UBE4A: variants seen among roughly 807,000 people sequenced by gnomAD.
The protein encoded by UBE4A is ubiquitin conjugation factor E4 A.
Under a neutral mutation model 117.9 loss-of-function variants are expected in UBE4A, and 48 were observed. That is an observed-to-expected ratio of 0.41 (90% CI 0.32 to 0.52). The LOEUF (loss-of-function observed/expected upper bound fraction) is 0.52, where lower values mean the gene tolerates loss of function less well. Among genes scored for constraint, UBE4A ranks in the 20% least tolerant of loss-of-function variants. UBE4A has a pLI of 0.33. For synonymous variants in UBE4A, 407 were observed against 450.0 expected, an observed-to-expected ratio of 0.90 and a Z score of 1.21; for missense variants, 1,067 against 1,296.3, an observed-to-expected ratio of 0.82 and a Z score of 2.72.
At position 118,379,436 on chromosome 11, in the gene UBE4A, T is replaced by G; in HGVS notation, c.1572-10T>G. The G allele has an allele frequency of 3.7e-6, 6 of 1,609,584 alleles. No individual in the cohort carries two copies. The Admixed American group carries it at 8.3e-5, about 22-fold the overall frequency. ...CCCTGACCCAGTCTCTTCTGCTTTC[T>G]TGGGGGCAGGTTGCATGATCAGATG... On this transcript the variant is annotated splice_polypyrimidine_tract_variant and intron_variant, in intron 10 of 19. Coordinates refer to ENST00000252108, the MANE Select transcript of UBE4A (RefSeq NM_001204077.2).
rs889746774 is a variant in UBE4A at position 118,379,691 on chromosome 11, A to G, written c.1817A>G (p.Gln606Arg). 1.9e-6 allele frequency: 3 copies of G among 1,614,042 alleles called. No homozygotes were observed. In the African/African-American group the frequency reaches 4.0e-5, roughly 22 times the overall value. Residue 606 changes from glutamine (Q) to arginine (R), a missense_variant, in exon 11 of 20, where the codon CAG (glutamine) becomes CGG (arginine). This residue lies in a region of UBE4A where 1,001 missense variants were observed against 1,184.0 expected (regional missense o/e 0.85). Transcript: ENST00000252108. ...VQLAIGNEGS[Q>R]PIELTFPLPD... ...CTGGCCATAGGCAATGAGGGCTCAC[A>G]GCCAATAGAGCTAACCTTTCCTTTG...
At chr11:118,386,347 G>A in intron 15 of UBE4A, 91 bp from the exon 16 acceptor site, 1 of 1,426,530 alleles carries the variant, frequency 7.0e-7, no homozygotes, top group Admixed American at 2.6e-5. Flanking sequence ...TCCCAGCTTA[G>A]TTGACTGGAT....
At chr11:118,367,958 G>C (rs1462372917) in intron 2 of UBE4A, among the ~76,000 whole-genome samples, 1 of 152,062 alleles carries the variant, frequency 6.6e-6, no homozygotes, top group Non-Finnish European at 1.5e-5. Context: ...CAACCCTATT[G>C]TTCATCAGTT....
chr11:118,391,348 G>A (rs904659355), intron 18 of UBE4A, among the ~76,000 whole-genome samples: 2 of 152,094 alleles, frequency 1.3e-5, no homozygotes, highest in Non-Finnish European at 2.9e-5. Flanking sequence ...AATTAGCTGG[G>A]TGTGGTGGCA....
At chr11:118,367,278 TAAG>T (rs1277465653) in intron 2 of UBE4A, among the ~76,000 whole-genome samples, 1 of 148,574 alleles carries the variant, frequency 6.7e-6, no homozygotes, top group South Asian at 2.1e-4. Context: ...ATTTCATCAA[TAAG>T]AAAAAAATAA....
chr11:118,380,261 AG>A lies in UBE4A; in HGVS notation c.1876+512del, dbSNP rs574561531. 2.2e-3 allele frequency among the ~76,000 whole-genome samples: 328 copies of A among 151,826 alleles called. 2 individuals carry two copies. Among genetic ancestry groups the A allele is most frequent in the African/African-American group, 7.3e-3 (302 of 41,382 alleles). On this transcript the variant is annotated intron_variant, in intron 11 of 19. Coordinates refer to ENST00000252108, the MANE Select transcript of UBE4A (RefSeq NM_001204077.2). The stretch of plus-strand genomic sequence containing the variant: ...CCATTGTATTGGCCATATCATGCTG[AG>A]TAACAGATTACCCCAAAACATAGCA...
At chr11:118,379,148 G>A (rs1259957868) in intron 10 of UBE4A, among the ~76,000 whole-genome samples, 2 of 152,150 alleles carry the variant, frequency 1.3e-5, no homozygotes, top group Non-Finnish European at 2.9e-5. Context: ...ATTATTTTAT[G>A]TAATAACAAC....
intron 16 of UBE4A, among the ~76,000 whole-genome samples, chr11:118,387,579 AAGAC>A (rs1384719211): frequency 6.6e-6 from 1 of 152,256 alleles, no homozygotes; most frequent in Non-Finnish European, 1.5e-5. Flanking sequence ...CCAAGACTCA[AAGAC>A]AGCCTCTAAA....
chr11:118,396,480 C>T lies in UBE4A; in HGVS notation c.*40C>T. ...CCAAACCAAAACCAACCCCAGAGTG[C>T]AGATAAACAATTGTTTGTGGTTTCT... On this transcript the variant is annotated 3_prime_UTR_variant, in exon 20 of 20. Transcript: ENST00000252108. 6.3e-7 allele frequency: 1 copy of T among 1,586,826 alleles called. No homozygotes were observed. Among genetic ancestry groups the T allele is most frequent in the Non-Finnish European group, 8.6e-7 (1 of 1,169,098 alleles).
At position 118,368,687 on chromosome 11, in the gene UBE4A, G is replaced by A; in HGVS notation, c.178G>A (p.Glu60Lys). 2 of 1,614,190 alleles carry A rather than the reference G, an allele frequency of 1.2e-6. No individual in the cohort carries two copies. Among genetic ancestry groups the A allele is most frequent in the Non-Finnish European group, 1.7e-6 (2 of 1,180,042 alleles). The change falls in exon 3 of 20, where the codon GAA becomes AAA. Residue 60 changes from glutamate to lysine, a missense_variant. Around this residue, in one of 3 missense-constraint regions of UBE4A, gnomAD observed 1,001 missense variants for 1,184.0 expected, o/e 0.85. Transcript: ENST00000252108. ...TAATAGCGTGTCAGAGAGCCTGGAT[G>A]AATTCGATTACTCTGTGGCTGAGAT... ...SDNSVSESLD[E>K]FDYSVAEISR...
chr11:118,376,256 T>C (rs1329564405), intron 9 of UBE4A, among the ~76,000 whole-genome samples: 1 of 152,250 alleles, frequency 6.6e-6, no homozygotes, highest in South Asian at 2.1e-4. Context: ...TTTATAATTC[T>C]AATTGTAAAC....
At chr11:118,369,645 T>A in intron 4 of UBE4A, 110 bp downstream of exon 4, 25 of 587,788 alleles carry the variant, frequency 4.3e-5, no homozygotes, top group Non-Finnish European at 6.4e-5. Flanking sequence ...CATCCCTCTC[T>A]CTTTTTTTTT....
chr11:118,368,072 T>C (rs1163992206), intron 2 of UBE4A, among the ~76,000 whole-genome samples: 1 of 152,184 alleles, frequency 6.6e-6, no homozygotes, highest in Non-Finnish European at 1.5e-5. Flanking sequence ...GGAAAGGTGT[T>C]GGTGCTGATT....
At position 118,390,934 on chromosome 11, in the gene UBE4A, T is replaced by C. The variant is rs1041130210; in HGVS notation, c.2916+130T>C. Reference sequence around the variant, plus strand: ...AGAGGATCACTTAAGCCCAGGAGTTTGAAGCTGCAGTGTGCTATGATCATG... The same window carrying C: ...AGAGGATCACTTAAGCCCAGGAGTTCGAAGCTGCAGTGTGCTATGATCATG... On this transcript the variant is annotated intron_variant, in intron 18 of 19. Transcript: ENST00000252108. 1.3e-5 allele frequency: 16 copies of C among 1,207,238 alleles called. No individual in the cohort carries two copies. In the South Asian group the frequency reaches 2.0e-4, roughly 15 times the overall value. The allele number at this position is 1,207,238 out of a possible 1,614,324, so 74.8% of individuals were successfully genotyped here. A position where few individuals can be genotyped will look rare whatever the true frequency, so the allele number is the denominator to read the frequency against.
intron 10 of UBE4A, among the ~76,000 whole-genome samples, chr11:118,378,050 G>A (rs1040921173): frequency 7.2e-5 from 11 of 151,744 alleles, no homozygotes; most frequent in Non-Finnish European, 1.0e-4. Flanking sequence ...GATCAAGACC[G>A]TCCTAGCTAA....
At chr11:118,367,478 C>G (rs1030117162) in intron 2 of UBE4A, among the ~76,000 whole-genome samples, 1 of 150,970 alleles carries the variant, frequency 6.6e-6, no homozygotes, top group Non-Finnish European at 1.5e-5. Flanking sequence ...GCATGTAAAT[C>G]AGACAGTCTC....
chr11:118,366,159 T>G (rs1020478195), intron 2 of UBE4A, among the ~76,000 whole-genome samples: 5 of 152,080 alleles, frequency 3.3e-5, no homozygotes, highest in African/African-American at 1.2e-4. Context: ...GATAAGTGAT[T>G]GATGCAAGGG....
chr11:118,386,303 TA>T (rs2134106400), intron 15 of UBE4A, 134 bp from the exon 16 acceptor site: 1 of 948,860 alleles, frequency 1.1e-6, no homozygotes, highest in East Asian at 3.0e-5. Flanking sequence ...TGCTGAGAAA[TA>T]AAGGCTCATG....
rs1287455885 is a variant in UBE4A, at chr11:118,398,285, T to A, written c.*1845T>A. 1.0e-4 allele frequency: 16 copies of A among 152,520 alleles called. No individual in the cohort carries two copies. The highest frequency in any genetic ancestry group is 3.9e-4 in the African/African-American group (16 of 41,446). The allele number at this position is 152,520 out of a possible 1,614,324, so 9.4% of individuals were successfully genotyped here. A position where few individuals can be genotyped will look rare whatever the true frequency, so the allele number is the denominator to read the frequency against. ...TTAACAACCCCCATGCTGCCTCCAG[T>A]CTTTGTCTGTATTCTTCTGTATTTA... On this transcript the variant is annotated 3_prime_UTR_variant, in exon 20 of 20. Transcript: ENST00000252108.
Sources: allele counts gnomAD v4.1 joint callset (sites outside exome capture counted in the v4.1 genomes callset), GRCh38; gene constraint gnomAD v4.1.1; regional missense constraint gnomAD v4.1.1; transcripts MANE v1.5; gene names NCBI Gene and HGNC (gene_info 2026-07-23, HGNC 2026-07-21).